OR4F17: variants seen among roughly 807,000 people sequenced by gnomAD.
OR4F17 encodes the protein olfactory receptor family 4 subfamily F member 17.
For synonymous variants in OR4F17, 1 was observed against 120.7 expected, an observed-to-expected ratio of 0.01 and a Z score of 6.50; for missense variants, 1 against 323.6, an observed-to-expected ratio of 0.00 and a Z score of 7.65.
At chr19:113,156 CTCT>C (rs1233105086), downstream of OR4F17, 3 of 60,366 alleles carry the variant, frequency 5.0e-5, no homozygotes, top group African/African-American at 1.3e-4. Flanking sequence ...CAAGACATAA[CTCT>C]TTTTTCAAAA....
At chr19:110,387 G>A in intron 2 of OR4F17, among the ~76,000 whole-genome samples, 1 of 151,788 alleles carries the variant, frequency 6.6e-6, no homozygotes, top group South Asian at 2.1e-4. Flanking sequence ...CATAAATAAT[G>A]GTATTTTATA....
At chr19:108,868 T>C (rs1705845452) in intron 2 of OR4F17, among the ~76,000 whole-genome samples, 2 of 152,116 alleles carry the variant, frequency 1.3e-5, no homozygotes, top group Non-Finnish European at 2.9e-5. Context: ...CTATTAGACT[T>C]CTCTTTATTC....
At chr19:108,011 T>A (rs866189957) in intron 2 of OR4F17, among the ~76,000 whole-genome samples, 574 of 62,466 alleles carry the variant, frequency 9.2e-3, no homozygotes, top group Middle Eastern at 0.046. Context: ...TTTTATTATA[T>A]AATATATATT....
intron 2 of OR4F17, among the ~76,000 whole-genome samples, chr19:107,760 T>TA (rs1968630556): frequency 2.6e-4 from 34 of 131,422 alleles, no homozygotes; most frequent in African/African-American, 8.4e-4. Flanking sequence ...ATATATATAT[T>TA]ATATATACTA....
At chr19:110,251 TA>T (rs879796678) in intron 2 of OR4F17, among the ~76,000 whole-genome samples, 1 of 151,200 alleles carries the variant, frequency 6.6e-6, no homozygotes, top group Non-Finnish European at 1.5e-5. Context: ...CATTTTGGCC[TA>T]TTTTTTTCTC....
intron 2 of OR4F17, among the ~76,000 whole-genome samples, chr19:108,095 AAT>A (rs1274548121): frequency 7.9e-6 from 1 of 126,980 alleles, no homozygotes; most frequent in African/African-American, 2.9e-5. Context: ...TTTATTATAT[AAT>A]ATATATTATA....
intron 2 of OR4F17, among the ~76,000 whole-genome samples, chr19:109,787 G>T (rs1204942822): frequency 6.8e-5 from 10 of 147,704 alleles, no homozygotes; most frequent in Non-Finnish European, 1.4e-4. Flanking sequence ...TTGAACACAG[G>T]CCTCCTAGCA....
At chr19:107,856 AAT>A (rs376090985) in intron 2 of OR4F17, among the ~76,000 whole-genome samples, 1 of 72,990 alleles carries the variant, frequency 1.4e-5, no homozygotes, top group South Asian at 4.5e-4. Flanking sequence ...ATATAAATAT[AAT>A]ATATATTTTA....
chr19:108,915 T>C (rs1968667640), intron 2 of OR4F17, among the ~76,000 whole-genome samples: 2 of 151,944 alleles, frequency 1.3e-5, no homozygotes, highest in Non-Finnish European at 2.9e-5. Flanking sequence ...TTTATAGGAC[T>C]TTAAAAACAG....
At chr19:109,911 G>T (rs1238563999) in intron 2 of OR4F17, among the ~76,000 whole-genome samples, 5 of 152,154 alleles carry the variant, frequency 3.3e-5, no homozygotes, top group Non-Finnish European at 5.9e-5. Context: ...CTACTGTTAG[G>T]CTTAAAATAA....
chr19:108,175 T>C (rs1376995700), intron 2 of OR4F17, among the ~76,000 whole-genome samples: 4 of 136,404 alleles, frequency 2.9e-5, no homozygotes, highest in Admixed American at 8.8e-5. Context: ...ATATATATTA[T>C]ATAAATATAT....
At chr19:107,705 T>C (rs1968628984) in intron 2 of OR4F17, 150 bp downstream of exon 2, 1 of 346,160 alleles carries the variant, frequency 2.9e-6, no homozygotes, top group Non-Finnish European at 5.5e-6. Flanking sequence ...AAATGCCTAC[T>C]CCCATCTCAG....
chr19:107,719 G>A (rs1369645491), intron 2 of OR4F17, among the ~76,000 whole-genome samples, 164 bp downstream of exon 2: 2 of 144,330 alleles, frequency 1.4e-5, no homozygotes, highest in Non-Finnish European at 1.5e-5. Context: ...ATCTCAGTGA[G>A]ACTTACTATA....
intron 2 of OR4F17, among the ~76,000 whole-genome samples, chr19:107,791 A>ATT (rs1968632109): frequency 7.9e-6 from 1 of 127,032 alleles, no homozygotes; most frequent in African/African-American, 2.9e-5. Flanking sequence ...TATATTACAT[A>ATT]TTATATATAT....
chr19:107,943 A>T (rs1472616837), intron 2 of OR4F17, among the ~76,000 whole-genome samples: 10 of 71,486 alleles, frequency 1.4e-4, no homozygotes, highest in African/African-American at 4.8e-4. Flanking sequence ...ATTATTATAT[A>T]ATATAATATA....
intron 2 of OR4F17, among the ~76,000 whole-genome samples, chr19:110,012 C>T (rs1968684861): frequency 6.7e-6 from 1 of 148,242 alleles, no homozygotes; most frequent in Admixed American, 6.8e-5. Flanking sequence ...TTCAGTAGTT[C>T]TTGTCTCTAT....
chr19:107,837 ATATAAAT>A (rs1968634337), intron 2 of OR4F17, among the ~76,000 whole-genome samples: 1 of 117,198 alleles, frequency 8.5e-6, no homozygotes, highest in African/African-American at 3.1e-5. Flanking sequence ...TATAAATATA[ATATAAAT>A]TATATAAATA....
rs1287440730 is a variant in OR4F17 at position 110,383 on chromosome 19, T to C, written c.-54-242T>C. 4.6e-5 allele frequency among the ~76,000 whole-genome samples: 7 copies of C among 151,782 alleles called. No individual in the cohort carries two copies. The East Asian group carries it at 1.2e-3, about 25-fold the overall frequency. ...AATCTGGCAGAGAGACAAGCATAAATAATGGTATTTTATATTAGGAATAAA... is the reference window on the plus strand; with the variant it reads ...AATCTGGCAGAGAGACAAGCATAAACAATGGTATTTTATATTAGGAATAAA... On this transcript the variant is annotated intron_variant, in intron 2 of 2. Coordinates refer to ENST00000585993, the MANE Select transcript of OR4F17 (RefSeq NM_001005240.3).
intron 2 of OR4F17, among the ~76,000 whole-genome samples, chr19:107,889 T>C (rs925589981): frequency 3.8e-5 from 1 of 26,644 alleles, no homozygotes; most frequent in Non-Finnish European, 6.0e-5. Flanking sequence ...TAATATATAT[T>C]ATATAATATA....
Sources: allele counts gnomAD v4.1 joint callset (sites outside exome capture counted in the v4.1 genomes callset), GRCh38; gene constraint gnomAD v4.1.1; transcripts MANE v1.5; gene names NCBI Gene and HGNC (gene_info 2026-07-23, HGNC 2026-07-21).